The following QTMAN variants were observed in gnomAD, a reference collection of about 807,000 sequenced individuals.
QTMAN encodes tRNA-queuosine alpha-mannosyltransferase.
chr2:144,180,539 G>C, the QTMAN span, among the ~76,000 whole-genome samples: 1 of 152,108 alleles, frequency 6.6e-6, no homozygotes, highest in Non-Finnish European at 1.5e-5. Context: ...AGTAAAGATG[G>C]TATTTTTGAT....
chr2:144,007,549 A>G, the QTMAN span: 1 of 1,510,686 alleles, frequency 6.6e-7, no homozygotes, highest in Non-Finnish European at 8.9e-7. Flanking sequence ...TTACAAAAAA[A>G]GAATGCAATA....
chr2:143,944,269 A>C, the QTMAN span: 3 of 152,170 alleles, frequency 2.0e-5, no homozygotes, highest in African/African-American at 7.2e-5. Context: ...ACACTCCTAC[A>C]TATTTTTAAA....
chr2:144,055,393 A>C, the QTMAN span, among the ~76,000 whole-genome samples: 1 of 151,842 alleles, frequency 6.6e-6, no homozygotes, highest in Admixed American at 6.6e-5. Context: ...TACCTTCTAA[A>C]ACGGATTCAA....
chr2:144,325,836 A>C, the QTMAN span, among the ~76,000 whole-genome samples: 1 of 152,252 alleles, frequency 6.6e-6, no homozygotes, highest in African/African-American at 2.4e-5. Flanking sequence ...TTTTACAAAA[A>C]CAGTTGCAGT....
At chr2:144,276,262 G>A in the QTMAN span, among the ~76,000 whole-genome samples, 39 of 152,182 alleles carry the variant, frequency 2.6e-4, no homozygotes, top group African/African-American at 9.4e-4. Flanking sequence ...GCCCAGGCTT[G>A]TCTCCAACTT....
chr2:144,267,692 C>T, the QTMAN span, among the ~76,000 whole-genome samples: 1 of 152,122 alleles, frequency 6.6e-6, no homozygotes, highest in African/African-American at 2.4e-5. Flanking sequence ...AGAAATAGGA[C>T]TTAGGTTTTT....
chr2:144,028,217 T>TA, the QTMAN span, among the ~76,000 whole-genome samples: 1 of 152,134 alleles, frequency 6.6e-6, no homozygotes, highest in East Asian at 1.9e-4. Flanking sequence ...AAAAAGAACA[T>TA]AGACTGTTGA....
the QTMAN span, among the ~76,000 whole-genome samples, chr2:144,238,673 C>A: frequency 6.6e-6 from 1 of 152,096 alleles, no homozygotes; most frequent in Admixed American, 6.5e-5. Context: ...TGGTTTCTCC[C>A]TTTCTTCTCC....
chr2:143,987,596 C>T, the QTMAN span, among the ~76,000 whole-genome samples: 1 of 152,172 alleles, frequency 6.6e-6, no homozygotes, highest in Non-Finnish European at 1.5e-5. Context: ...TATATCAATA[C>T]ATGTGTAGAA....
the QTMAN span, among the ~76,000 whole-genome samples, chr2:144,141,699 T>C: frequency 6.6e-6 from 1 of 151,828 alleles, no homozygotes; most frequent in Non-Finnish European, 1.5e-5. Flanking sequence ...AACTAACTAG[T>C]GATGGGTTAG....
chr2:143,956,784 A>T, the QTMAN span, among the ~76,000 whole-genome samples: 3 of 150,668 alleles, frequency 2.0e-5, no homozygotes, highest in African/African-American at 4.9e-5. Context: ...TAATTTAATC[A>T]TTTTTTTTTC....
At chr2:144,133,248 T>C in the QTMAN span, among the ~76,000 whole-genome samples, 71 of 53,812 alleles carry the variant, frequency 1.3e-3, 2 homozygotes, top group African/African-American at 0.011. Context: ...TATATATAAA[T>C]ATATATAAAT....
At chr2:144,319,430 A>C in the QTMAN span, among the ~76,000 whole-genome samples, 5 of 152,176 alleles carry the variant, frequency 3.3e-5, no homozygotes, top group African/African-American at 1.2e-4. Context: ...AGTTTCATAG[A>C]TATAAGATCT....
At chr2:144,182,586 G>C in the QTMAN span, among the ~76,000 whole-genome samples, 2 of 138,856 alleles carry the variant, frequency 1.4e-5, no homozygotes, top group African/African-American at 5.4e-5. Context: ...GGAGTTTGCA[G>C]TGAGCCAAGA....
chr2:143,957,191 T>C, the QTMAN span: 1 of 1,582,452 alleles, frequency 6.3e-7, no homozygotes. Context: ...CAGAAAGAAC[T>C]TACATTGCCA....
chr2:144,041,267 T>C, the QTMAN span, among the ~76,000 whole-genome samples: 1 of 152,152 alleles, frequency 6.6e-6, no homozygotes, highest in African/African-American at 2.4e-5. Context: ...AGTAATAAAA[T>C]TGACTTTTCT....
chr2:144,233,523 T>C, the QTMAN span, among the ~76,000 whole-genome samples: 1 of 152,126 alleles, frequency 6.6e-6, no homozygotes, highest in Non-Finnish European at 1.5e-5. Flanking sequence ...GCTGTGAGGG[T>C]AGACCCTCTG....
At chr2:144,185,459 T>C in the QTMAN span, among the ~76,000 whole-genome samples, 11 of 152,214 alleles carry the variant, frequency 7.2e-5, no homozygotes, top group Non-Finnish European at 1.0e-4. Context: ...TAACGTTCCA[T>C]TGGACGCACC....
chr2:144,255,298 G>A, the QTMAN span, among the ~76,000 whole-genome samples: 1 of 152,098 alleles, frequency 6.6e-6, no homozygotes, highest in South Asian at 2.1e-4. Context: ...GAATCATGAG[G>A]GCAGTTACCC....
Sources: gnomAD v4.1 joint callset for allele counts (sites outside exome capture counted in the v4.1 genomes callset) on GRCh38, gnomAD v4.1.1 for gene constraint, MANE v1.5 for transcripts, NCBI Gene and HGNC (gene_info 2026-07-23, HGNC 2026-07-21) for gene names.